PTPRD: variants seen among roughly 807,000 people sequenced by gnomAD.
PTPRD encodes the protein receptor-type tyrosine-protein phosphatase delta.
In PTPRD, 34 loss-of-function variants were observed where a neutral mutation model predicts 214.5. The ratio of observed to expected loss-of-function variants is 0.16; its 90% CI spans 0.12 to 0.21. The LOEUF (loss-of-function observed/expected upper bound fraction) is 0.21. Among genes scored for constraint, PTPRD ranks in the 10% least tolerant of loss-of-function variants. PTPRD has a pLI of 1.00. For missense variants in PTPRD, 2,545 were observed against 2,398.7 expected (o/e 1.06, Z -1.27); for synonymous variants, 1,128 against 845.7 (o/e 1.33, Z -5.79).
At chr9:9,997,736 C>T (rs1566995132) in intron 4 of PTPRD, among the ~76,000 whole-genome samples, 1 of 151,954 alleles carries the variant, frequency 6.6e-6, no homozygotes, top group African/African-American at 2.4e-5. Flanking sequence ...AAAAGCCAGG[C>T]TGGCAAGTAT....
intron 9 of PTPRD, among the ~76,000 whole-genome samples, chr9:9,293,623 C>T (rs137973303): frequency 7.9e-5 from 12 of 151,512 alleles, no homozygotes; most frequent in East Asian, 2.0e-4. Flanking sequence ...AAGAAATATA[C>T]GTATATACCG....
chr9:9,763,134 C>CA (rs1361364942), intron 6 of PTPRD, among the ~76,000 whole-genome samples: 21 of 152,146 alleles, frequency 1.4e-4, no homozygotes, highest in Non-Finnish European at 5.9e-5. Flanking sequence ...ATTACCTCTT[C>CA]AAAACCCTGT....
intron 8 of PTPRD, among the ~76,000 whole-genome samples, chr9:9,487,891 GT>G (rs1455050161): frequency 2.6e-5 from 4 of 152,130 alleles, no homozygotes; most frequent in Non-Finnish European, 5.9e-5. Flanking sequence ...CAGAAGTGAT[GT>G]GGAAAATGCA....
chr9:9,646,427 A>G (rs2154369806), intron 7 of PTPRD, among the ~76,000 whole-genome samples: 1 of 152,044 alleles, frequency 6.6e-6, no homozygotes, highest in East Asian at 1.9e-4. Context: ...ACCATTTAGC[A>G]GAGTAAGTAC....
At chr9:9,665,466 A>G (rs893948270) in intron 7 of PTPRD, among the ~76,000 whole-genome samples, 1 of 151,806 alleles carries the variant, frequency 6.6e-6, no homozygotes, top group South Asian at 2.1e-4. Flanking sequence ...ACTAAAATTT[A>G]TTAGATACTT....
At chr9:9,064,233 T>C (rs1182453744) in intron 10 of PTPRD, among the ~76,000 whole-genome samples, 3 of 152,182 alleles carry the variant, frequency 2.0e-5, no homozygotes, top group Non-Finnish European at 4.4e-5. Context: ...TTGCTATTTA[T>C]TGTGTGTGTC....
intron 7 of PTPRD, among the ~76,000 whole-genome samples, chr9:9,590,696 T>C (rs1012323743): frequency 4.1e-4 from 63 of 151,970 alleles, no homozygotes; most frequent in African/African-American, 1.4e-3. Flanking sequence ...GAGCATGAGC[T>C]TGAACCATTC....
chr9:9,661,609 C>G (rs2154380273), intron 7 of PTPRD, among the ~76,000 whole-genome samples: 1 of 151,920 alleles, frequency 6.6e-6, no homozygotes, highest in East Asian at 1.9e-4. Context: ...TCCATCACTG[C>G]AAGCTTCATA....
At chr9:10,140,306 C>T (rs894849579) in intron 3 of PTPRD, among the ~76,000 whole-genome samples, 1 of 148,792 alleles carries the variant, frequency 6.7e-6, no homozygotes, top group Non-Finnish European at 1.5e-5. Context: ...AGAAGACATA[C>T]AAGCAGAAAA....
intron 2 of PTPRD, among the ~76,000 whole-genome samples, chr9:10,430,834 C>A (rs2098670526): frequency 6.6e-6 from 1 of 151,810 alleles, no homozygotes; most frequent in Admixed American, 6.6e-5. Flanking sequence ...CATCATACCC[C>A]TTTTTTATCC....
intron 9 of PTPRD, among the ~76,000 whole-genome samples, chr9:9,304,608 G>T (rs1321658860): frequency 6.6e-6 from 1 of 151,662 alleles, no homozygotes; most frequent in Non-Finnish European, 1.5e-5. Flanking sequence ...ACTAATTTCT[G>T]TTGGAAAGCT....
intron 23 of PTPRD, among the ~76,000 whole-genome samples, chr9:8,501,636 C>T (rs1336647457): frequency 6.6e-6 from 1 of 152,158 alleles, no homozygotes; most frequent in Non-Finnish European, 1.5e-5. Context: ...AGGGTTCACT[C>T]TATCTGAAAA....
At chr9:10,218,975 T>C (rs1345708086) in intron 3 of PTPRD, among the ~76,000 whole-genome samples, 1 of 151,692 alleles carries the variant, frequency 6.6e-6, no homozygotes, top group Non-Finnish European at 1.5e-5. Flanking sequence ...GAAGAAAAAA[T>C]TGTTACTGCA....
In PTPRD at chr9:9,221,109, A is replaced by G. The variant is rs2099955706; in HGVS notation, c.-202-37746T>C. ...CAACCAGGTACAACTTTTTTCAAGT[A>G]TCGGCCTGGAATTTCTACTCTAAGG... On this transcript the variant is annotated intron_variant, in intron 9 of 45. Transcript: ENST00000381196. Among the ~76,000 whole-genome samples the G allele has an allele frequency of 1.3e-5, 2 of 152,142 alleles. 1 individual carries two copies. Among genetic ancestry groups the G allele is most frequent in the Admixed American group, 1.3e-4 (2 of 15,258 alleles).
At chr9:9,763,456 A>G (rs1025515044) in intron 6 of PTPRD, among the ~76,000 whole-genome samples, 1 of 142,404 alleles carries the variant, frequency 7.0e-6, no homozygotes, top group Non-Finnish European at 1.5e-5. Context: ...CCTGTTTTTA[A>G]GAACAGTCTT....
chr9:9,231,155 A>G (rs1309683443), intron 9 of PTPRD, among the ~76,000 whole-genome samples: 1 of 152,144 alleles, frequency 6.6e-6, no homozygotes, highest in East Asian at 1.9e-4. Context: ...ACTGTCTGCT[A>G]CTATTGGTGA....
At chr9:10,484,406 G>C (rs560027368) in intron 2 of PTPRD, among the ~76,000 whole-genome samples, 1 of 152,062 alleles carries the variant, frequency 6.6e-6, no homozygotes, top group African/African-American at 2.4e-5. Context: ...ATTCATCTAT[G>C]TAACCAAAAA....
Position 8,321,527 on chromosome 9 carries a change from A to AT in PTPRD, c.5535-1562_5535-1561insA, listed in dbSNP as rs1563892527. 3.3e-3 allele frequency among the ~76,000 whole-genome samples: 364 copies of AT among 111,386 alleles called. 4 individuals carry two copies. Among genetic ancestry groups the AT allele is most frequent in the African/African-American group, 8.9e-3 (288 of 32,402 alleles). 73.1% of individuals were successfully genotyped at this position (111,386 alleles called of 152,430 possible). On this transcript the variant is annotated intron_variant, in intron 44 of 45. Coordinates refer to ENST00000381196, the MANE Select transcript of PTPRD (RefSeq NM_002839.4). ...TATATATATATATATATATATATATAAAAGGTATATGCATCGCAATTCCTT... is the reference window on the plus strand; with the variant it reads ...TATATATATATATATATATATATATATAAAGGTATATGCATCGCAATTCCTT...
At chr9:9,028,661 G>A (rs1284869155) in intron 10 of PTPRD, among the ~76,000 whole-genome samples, 1 of 151,896 alleles carries the variant, frequency 6.6e-6, no homozygotes, top group Non-Finnish European at 1.5e-5. Flanking sequence ...GTGATATGAG[G>A]TACAGAGAGA....
Sources: gnomAD v4.1 joint callset for allele counts (sites outside exome capture counted in the v4.1 genomes callset) on GRCh38, gnomAD v4.1.1 for gene constraint, MANE v1.5 for transcripts, NCBI Gene and HGNC (gene_info 2026-07-23, HGNC 2026-07-21) for gene names.